Variants in OSER1 observed in about 807,000 individuals in gnomAD.
OSER1 encodes the protein oxidative stress responsive serine rich 1, also known as oxidative stress-responsive serine-rich protein 1.
OSER1 carries 15 observed loss-of-function variants against 26.3 expected under a neutral mutation model. The observed-to-expected ratio is 0.57, with a 90% confidence interval of 0.38 to 0.88. OSER1 has a LOEUF of 0.88. OSER1 is among the 40% of genes least tolerant of loss of function. OSER1 has a pLI of 0.00. For synonymous variants in OSER1, 127 were observed against 128.2 expected, an observed-to-expected ratio of 0.99 and a Z score of 0.07; for missense variants, 313 against 353.9, an observed-to-expected ratio of 0.88 and a Z score of 0.93.
intron 2 of OSER1, among the ~76,000 whole-genome samples, chr20:44,205,361 A>G (rs762011762): frequency 6.6e-6 from 1 of 152,236 alleles, no homozygotes; most frequent in Non-Finnish European, 1.5e-5. Flanking sequence ...TCTGTTTCCC[A>G]AGACAATTTA....
chr20:44,208,108 G>GCCCCCCCCCCCCCCCCCC (rs71959463), intron 1 of OSER1, among the ~76,000 whole-genome samples: 1 of 97,852 alleles, frequency 1.0e-5, no homozygotes. Flanking sequence ...GCCTTTACCC[G>GCCCCCCCCCCCCCCCCCC]CCCCCCCCCG....
chr20:44,203,106 A>C (rs2073000022), intron 2 of OSER1, 32 bp from the exon 3 acceptor site: 1 of 1,131,486 alleles, frequency 8.8e-7, no homozygotes, highest in African/African-American at 1.5e-5. Flanking sequence ...ACAGCTACAA[A>C]AAACTGTAAA....
At chr20:44,199,017 A>G (rs1033963322) in intron 3 of OSER1, among the ~76,000 whole-genome samples, 2 of 152,202 alleles carry the variant, frequency 1.3e-5, no homozygotes, top group Admixed American at 1.3e-4. Flanking sequence ...TATTAGATCA[A>G]CTACCATGGT....
intron 1 of OSER1, among the ~76,000 whole-genome samples, chr20:44,208,504 AT>A (rs2073062803): frequency 6.6e-6 from 1 of 151,996 alleles, no homozygotes; most frequent in Admixed American, 6.6e-5. Flanking sequence ...CTCGACGTAT[AT>A]TTTGCTGGTT....
At chr20:44,208,216 C>T (rs2145941372) in intron 1 of OSER1, among the ~76,000 whole-genome samples, 1 of 149,586 alleles carries the variant, frequency 6.7e-6, no homozygotes, top group African/African-American at 2.5e-5. Context: ...AAGGTGGCTC[C>T]GAAGTTATTG....
At chr20:44,200,738 T>C (rs1322789582) in intron 3 of OSER1, among the ~76,000 whole-genome samples, 1 of 152,040 alleles carries the variant, frequency 6.6e-6, no homozygotes, top group African/African-American at 2.4e-5. Flanking sequence ...TGGAGCAGGA[T>C]AAAAAGAAAT....
intron 1 of OSER1, among the ~76,000 whole-genome samples, chr20:44,208,357 G>A (rs1213205721): frequency 6.7e-6 from 1 of 149,880 alleles, no homozygotes; most frequent in Non-Finnish European, 1.5e-5. Context: ...ATTTGCGGAA[G>A]TTAAGGTATT....
At chr20:44,205,939 C>CA (rs3037684) in intron 2 of OSER1, among the ~76,000 whole-genome samples, 3,494 of 70,618 alleles carry the variant, frequency 0.049, 100 homozygotes, top group Non-Finnish European at 0.064. Context: ...GAATCCGTCT[C>CA]AAAAAAAAAA....
chr20:44,197,324 C>T lies in OSER1; in HGVS notation c.607G>A (p.Glu203Lys). 3 of 1,614,206 alleles carry T rather than the reference C, an allele frequency of 1.9e-6. No individual in the cohort carries two copies. Among genetic ancestry groups the T allele is most frequent in the Non-Finnish European group, 2.5e-6 (3 of 1,180,002 alleles). Residue 203 changes from glutamate (E) to lysine (K), a missense_variant, in exon 4 of 4, where the codon GAA becomes AAA. Glu to Lys is a moderately conservative substitution (Grantham distance 56). Transcript: ENST00000255174. ...TCATGCCATCTCTTACACTGGCATTCCTTGCCTATGCATGTGCATGGCTTG... is the reference window on the plus strand; with the variant it reads ...TCATGCCATCTCTTACACTGGCATTTCTTGCCTATGCATGTGCATGGCTTG... ...QGKPCTCIGKECQCKRWHDME... is the reference protein window; with the variant it reads ...QGKPCTCIGKKCQCKRWHDME...
intron 2 of OSER1, 122 bp from the exon 3 acceptor site, chr20:44,203,196 A>C: frequency 1.8e-6 from 1 of 547,904 alleles, no homozygotes; most frequent in East Asian, 2.9e-5. Context: ...GGTTTCTCAA[A>C]AATTGCTCAG....
At chr20:44,201,635 A>G (rs2145926085) in intron 3 of OSER1, among the ~76,000 whole-genome samples, 1 of 152,382 alleles carries the variant, frequency 6.6e-6, no homozygotes, top group Admixed American at 6.5e-5. Flanking sequence ...GTAACGACTA[A>G]AATATTGGGC....
Position 44,196,342 on chromosome 20 carries a change from T to C in OSER1, c.*710A>G, listed in dbSNP as rs987415805. On this transcript the variant is annotated 3_prime_UTR_variant, in exon 4 of 4. Coordinates refer to ENST00000255174, the MANE Select transcript of OSER1 (RefSeq NM_016470.8). ...CATATATTTAAAATGCTGGAGATGG[T>C]GAAGACACACACTCGTTTCAAATAT... Among the ~76,000 whole-genome samples, 5 of 149,764 alleles carry C rather than the reference T, an allele frequency of 3.3e-5. No individual in the cohort carries two copies. Among genetic ancestry groups the C allele is most frequent in the African/African-American group, 1.2e-4 (5 of 40,686 alleles).
rs1292360871 is a variant in OSER1 at position 44,196,527 on chromosome 20, G to A, written c.*525C>T. 6.5e-6 allele frequency: 1 copy of A among 153,778 alleles called. No homozygotes were observed. The highest frequency in any genetic ancestry group is 1.9e-4 in the East Asian group (1 of 5,228). 9.5% of individuals were successfully genotyped at this position (153,778 alleles called of 1,614,324 possible). ...GCAGGCCAGCTAGTTTATTCAAATT[G>A]AATCTAAACCTTAGATCTCTGGCTT... On this transcript the variant is annotated 3_prime_UTR_variant, in exon 4 of 4. Transcript: ENST00000255174.
intron 2 of OSER1, among the ~76,000 whole-genome samples, chr20:44,204,276 G>A (rs11907088): frequency 5.3e-5 from 8 of 152,134 alleles, no homozygotes; most frequent in African/African-American, 1.9e-4. Flanking sequence ...TCCTGGCAAG[G>A]CCTGGTTAGT....
chr20:44,200,325 TCTC>T (rs1331172118), intron 3 of OSER1, among the ~76,000 whole-genome samples: 1 of 152,092 alleles, frequency 6.6e-6, no homozygotes, highest in Non-Finnish European at 1.5e-5. Context: ...TCCACAAGGT[TCTC>T]CTTTCAGGCT....
At chr20:44,208,115 C>G (rs965663618) in intron 1 of OSER1, among the ~76,000 whole-genome samples, 30 of 135,510 alleles carry the variant, frequency 2.2e-4, no homozygotes, top group Admixed American at 2.9e-4. Flanking sequence ...CCCGCCCCCC[C>G]CCGCCCCCAC....
chr20:44,209,886 A>C (rs2073080400), intron 1 of OSER1: 2 of 152,202 alleles, frequency 1.3e-5, no homozygotes, highest in African/African-American at 2.4e-5. Flanking sequence ...AACATTAAAG[A>C]TTTCGAAACT....
chr20:44,199,584 GA>G (rs886093752), intron 3 of OSER1, among the ~76,000 whole-genome samples: 5 of 152,068 alleles, frequency 3.3e-5, no homozygotes, highest in African/African-American at 1.2e-4. Flanking sequence ...ATAAGGAAAG[GA>G]AAAAAATAAA....
intron 3 of OSER1, among the ~76,000 whole-genome samples, chr20:44,198,050 A>AAG (rs1223880540): frequency 6.6e-6 from 1 of 152,206 alleles, no homozygotes; most frequent in East Asian, 1.9e-4. Flanking sequence ...GCCTTTGACC[A>AAG]GTGGGTCTGA....
Sources: allele counts gnomAD v4.1 joint callset (sites outside exome capture counted in the v4.1 genomes callset), GRCh38; gene constraint gnomAD v4.1.1; transcripts MANE v1.5; gene names NCBI Gene and HGNC (gene_info 2026-07-23, HGNC 2026-07-21).